Variants in RABGAP1L observed in about 807,000 individuals in gnomAD.
RABGAP1L encodes rab GTPase-activating protein 1-like.
In RABGAP1L, 63 loss-of-function variants were observed where a neutral mutation model predicts 137.7. That is an observed-to-expected ratio of 0.46 (90% CI 0.37 to 0.56). The LOEUF (loss-of-function observed/expected upper bound fraction) is 0.56, where lower values mean the gene tolerates loss of function less well. RABGAP1L is among the 20% of genes least tolerant of loss of function. The pLI is 0.00. For synonymous variants in RABGAP1L, 431 were observed against 433.7 expected (o/e 0.99, Z 0.08); for missense variants, 1,095 against 1,244.0 (o/e 0.88, Z 1.80).
At chr1:174,466,400 A>G (rs1657298358) in intron 13 of RABGAP1L, among the ~76,000 whole-genome samples, 1 of 152,220 alleles carries the variant, frequency 6.6e-6, no homozygotes, top group Admixed American at 6.5e-5. Flanking sequence ...GTAAGGCCAT[A>G]GGTCTACCTC....
intron 13 of RABGAP1L, among the ~76,000 whole-genome samples, chr1:174,599,399 C>A (rs1670248478): frequency 6.6e-6 from 1 of 152,088 alleles, no homozygotes; most frequent in South Asian, 2.1e-4. Flanking sequence ...TTATCATATT[C>A]TGTATTTGTC....
rs1678247750 is a variant in RABGAP1L at position 174,683,605 on chromosome 1, T to C, written c.1899+9T>C. On this transcript the variant is annotated intron_variant, in intron 15 of 25. Coordinates refer to ENST00000681986, the MANE Select transcript of RABGAP1L (RefSeq NM_001366446.1). ...CTGTATTACTGCTGCATGTAAGTAATGGTCCGTGTGATAAATAGCACAGTG... is the reference window on the plus strand; with the variant it reads ...CTGTATTACTGCTGCATGTAAGTAACGGTCCGTGTGATAAATAGCACAGTG... 1 of 1,592,138 alleles carries C rather than the reference T, an allele frequency of 6.3e-7. No individual in the cohort carries two copies. The highest frequency in any genetic ancestry group is 1.7e-5 in the Admixed American group (1 of 59,912).
intron 13 of RABGAP1L, among the ~76,000 whole-genome samples, chr1:174,398,134 C>A (rs545910478): frequency 2.6e-5 from 4 of 152,226 alleles, no homozygotes; most frequent in African/African-American, 9.6e-5. Context: ...TGCCTAGCAT[C>A]AATATGTAGC....
intron 19 of RABGAP1L, among the ~76,000 whole-genome samples, chr1:174,832,010 A>T (rs1225687688): frequency 8.8e-5 from 13 of 147,956 alleles, no homozygotes; most frequent in Non-Finnish European, 1.7e-4. Context: ...AATAAGATCC[A>T]GGCTAGGTGC....
chr1:174,614,198 G>T (rs796909495), intron 13 of RABGAP1L, among the ~76,000 whole-genome samples: 1,530 of 152,220 alleles, frequency 0.01, 13 homozygotes, highest in South Asian at 0.023. Flanking sequence ...GCTGGTACCG[G>T]TTGTTCCTTT....
intron 18 of RABGAP1L, among the ~76,000 whole-genome samples, chr1:174,801,515 G>A (rs1688756503): frequency 6.6e-6 from 1 of 152,164 alleles, no homozygotes; most frequent in South Asian, 2.1e-4. Context: ...TAACAGACAT[G>A]TTAGATAGCC....
chr1:174,569,972 A>C (rs74126839), intron 13 of RABGAP1L, among the ~76,000 whole-genome samples: 5,343 of 152,348 alleles, frequency 0.035, 125 homozygotes, highest in Middle Eastern at 0.088. Flanking sequence ...GGAAAAAATG[A>C]TATCTAACTT....
At chr1:174,872,563 AT>A (rs11321142) in intron 19 of RABGAP1L, among the ~76,000 whole-genome samples, 31,263 of 143,748 alleles carry the variant, frequency 0.22, 3,470 homozygotes, top group Admixed American at 0.26. Flanking sequence ...TTATAGTTCT[AT>A]TTTTTTTTTT....
chr1:174,319,113 T>C (rs996306009), intron 11 of RABGAP1L, among the ~76,000 whole-genome samples: 1 of 152,124 alleles, frequency 6.6e-6, no homozygotes, highest in Non-Finnish European at 1.5e-5. Context: ...GTTTTATACT[T>C]TCAAATGTTT....
chr1:174,725,852 A>G (rs986166775), intron 17 of RABGAP1L, among the ~76,000 whole-genome samples: 1 of 152,134 alleles, frequency 6.6e-6, no homozygotes, highest in Non-Finnish European at 1.5e-5. Context: ...GGGGAGGGAT[A>G]GCACTGGGAG....
intron 13 of RABGAP1L, among the ~76,000 whole-genome samples, chr1:174,549,274 G>A (rs1469692804): frequency 6.6e-6 from 1 of 152,054 alleles, no homozygotes; most frequent in Admixed American, 6.5e-5. Flanking sequence ...AAGAAGCAGG[G>A]TTATTTCTCC....
intron 1 of RABGAP1L, among the ~76,000 whole-genome samples, chr1:174,217,762 G>A (rs2148457257): frequency 6.6e-6 from 1 of 152,194 alleles, no homozygotes; most frequent in African/African-American, 2.4e-5. Context: ...CAGGAGTATG[G>A]TTATTCTTTA....
At position 174,349,252 on chromosome 1, in the gene RABGAP1L, G is replaced by T. The variant is rs1449352537; in HGVS notation, c.1466-21727G>T. Among the ~76,000 whole-genome samples, 8 of 130,518 alleles carry T rather than the reference G, an allele frequency of 6.1e-5. No homozygotes were observed. The East Asian group carries it at 1.9e-3, about 31-fold the overall frequency. The allele number at this position is 130,518 out of a possible 152,430, so 85.6% of individuals were successfully genotyped here. A position where few individuals can be genotyped will look rare whatever the true frequency, so the allele number is the denominator to read the frequency against. The stretch of plus-strand genomic sequence containing the variant: ...GGCTGACCCCTCCCACCTCCCTCCC[G>T]GACGGGGCGGCTGGCCGGGCAGAGG... On this transcript the variant is annotated intron_variant, in intron 11 of 25. Transcript: ENST00000681986.
chr1:174,375,897 T>C (rs1685488484), intron 12 of RABGAP1L, among the ~76,000 whole-genome samples: 1 of 151,956 alleles, frequency 6.6e-6, no homozygotes, highest in Non-Finnish European at 1.5e-5. Context: ...AAACCCTATC[T>C]CTACTAAAAA....
chr1:174,465,745 T>A (rs1016894056), intron 13 of RABGAP1L, among the ~76,000 whole-genome samples: 2 of 152,152 alleles, frequency 1.3e-5, no homozygotes, highest in Admixed American at 1.3e-4. Flanking sequence ...TGAACTTTGG[T>A]TTACAAATAT....
rs962811436 is a variant in RABGAP1L, at chr1:174,351,158, T to C, written c.1466-19821T>C. Among the ~76,000 whole-genome samples the C allele has an allele frequency of 7.3e-5, 11 of 151,438 alleles. No individual in the cohort carries two copies. In the East Asian group the frequency reaches 2.2e-3, roughly 30 times the overall value. On this transcript the variant is annotated intron_variant, in intron 11 of 25. Transcript: ENST00000681986. ...CTAACTCTTGAAAAGTTGTAGTTAT[T>C]TTTAACAGGTTCATCTTTCTACCCA...
intron 19 of RABGAP1L, among the ~76,000 whole-genome samples, chr1:174,899,363 A>G (rs1371336380): frequency 6.6e-6 from 1 of 152,220 alleles, no homozygotes; most frequent in Non-Finnish European, 1.5e-5. Context: ...GCTATTTATG[A>G]TAAGGAATTG....
intron 19 of RABGAP1L, among the ~76,000 whole-genome samples, chr1:174,824,119 G>A (rs12063802): frequency 0.11 from 16,396 of 151,894 alleles, 973 homozygotes; most frequent in East Asian, 0.22. Context: ...GTGAAACCCC[G>A]TCTCTACTAA....
chr1:174,276,494 A>G (rs1432712448), intron 9 of RABGAP1L, among the ~76,000 whole-genome samples: 1 of 152,168 alleles, frequency 6.6e-6, no homozygotes, highest in Admixed American at 6.6e-5. Context: ...TTTGTTTTTC[A>G]TATACCACTA....
Sources: allele counts gnomAD v4.1 joint callset (sites outside exome capture counted in the v4.1 genomes callset), GRCh38; gene constraint gnomAD v4.1.1; transcripts MANE v1.5; gene names NCBI Gene and HGNC (gene_info 2026-07-23, HGNC 2026-07-21).